LRMDA: variants seen among roughly 807,000 people sequenced by gnomAD.
The protein encoded by LRMDA is leucine rich melanocyte differentiation associated.
A neutral mutation model predicts 29.8 loss-of-function variants in LRMDA; 18 were observed. The ratio of observed to expected loss-of-function variants is 0.60; its 90% CI spans 0.42 to 0.90. The LOEUF is 0.90. LRMDA is among the 40% of genes least tolerant of loss of function. The pLI is 0.00. For synonymous variants in LRMDA, 125 were observed against 109.4 expected, an observed-to-expected ratio of 1.14 and a Z score of -0.89; for missense variants, 273 against 273.9, an observed-to-expected ratio of 1.00 and a Z score of 0.02.
At chr10:76,509,641 C>T (rs1842990040) in intron 6 of LRMDA, among the ~76,000 whole-genome samples, 1 of 152,176 alleles carries the variant, frequency 6.6e-6, no homozygotes, top group South Asian at 2.1e-4. Context: ...CCCCTGCTGG[C>T]ACTGAACAGT....
At chr10:76,185,499 C>G (rs1851131836) in intron 5 of LRMDA, among the ~76,000 whole-genome samples, 1 of 152,180 alleles carries the variant, frequency 6.6e-6, no homozygotes, top group Non-Finnish European at 1.5e-5. Context: ...TACTGCAAAG[C>G]CTTGCACAAA....
chr10:75,900,577 G>A (rs1462685023), intron 2 of LRMDA, among the ~76,000 whole-genome samples: 2 of 152,100 alleles, frequency 1.3e-5, no homozygotes, highest in East Asian at 3.9e-4. Context: ...GATTGATTTG[G>A]GCCACTTTCA....
At chr10:75,723,725 C>T (rs1842597301) in intron 2 of LRMDA, among the ~76,000 whole-genome samples, 1 of 152,190 alleles carries the variant, frequency 6.6e-6, no homozygotes, top group Non-Finnish European at 1.5e-5. Flanking sequence ...GTAATTTATT[C>T]AACGAATTGT....
At chr10:76,018,616 G>A (rs1847918195) in intron 2 of LRMDA, among the ~76,000 whole-genome samples, 1 of 144,818 alleles carries the variant, frequency 6.9e-6, no homozygotes, top group Non-Finnish European at 1.5e-5. Flanking sequence ...TCACCAGGCT[G>A]GAGTGCAGTG....
chr10:76,035,873 A>C, intron 2 of LRMDA, 135 bp from the exon 3 acceptor site: 23 of 850,946 alleles, frequency 2.7e-5, no homozygotes, highest in South Asian at 4.7e-5. Context: ...AATTCTTGTC[A>C]TTCACTTTGC....
intron 2 of LRMDA, among the ~76,000 whole-genome samples, chr10:75,564,196 C>G (rs1224490033): frequency 6.6e-6 from 1 of 152,172 alleles, no homozygotes; most frequent in Non-Finnish European, 1.5e-5. Flanking sequence ...CCAGTTGGAG[C>G]TTCCCGGCTG....
chr10:75,741,922 G>T (rs892874229), intron 2 of LRMDA, among the ~76,000 whole-genome samples: 3 of 152,138 alleles, frequency 2.0e-5, no homozygotes, highest in Admixed American at 2.0e-4. Flanking sequence ...GATGGGATTA[G>T]TACCCTTATA....
At chr10:75,826,860 TATTA>T (rs1405615347) in intron 2 of LRMDA, among the ~76,000 whole-genome samples, 4 of 152,206 alleles carry the variant, frequency 2.6e-5, no homozygotes, top group African/African-American at 9.7e-5. Flanking sequence ...TCTTGGTTTG[TATTA>T]ATTCTGTTTC....
chr10:75,583,850 G>A (rs150786020), intron 2 of LRMDA, among the ~76,000 whole-genome samples: 84 of 152,122 alleles, frequency 5.5e-4, no homozygotes, highest in African/African-American at 1.8e-3. Context: ...ATCCCCACTC[G>A]AGGTGTTCTG....
At chr10:76,127,645 C>A (rs1849908467) in intron 5 of LRMDA, among the ~76,000 whole-genome samples, 1 of 150,180 alleles carries the variant, frequency 6.7e-6, no homozygotes. Context: ...TGAATACACT[C>A]AACCAAGTGT....
intron 6 of LRMDA, among the ~76,000 whole-genome samples, chr10:76,429,338 C>T (rs16933537): frequency 0.032 from 4,812 of 152,192 alleles, 254 homozygotes; most frequent in Admixed American, 0.13. Context: ...AACCCTCATG[C>T]AGATAATATG....
intron 2 of LRMDA, among the ~76,000 whole-genome samples, chr10:76,006,227 A>G (rs1263342777): frequency 6.6e-6 from 1 of 152,104 alleles, no homozygotes; most frequent in Non-Finnish European, 1.5e-5. Context: ...TATGGTGAGG[A>G]CTGTGAAAGA....
At chr10:76,546,309 C>G (rs568124907) in intron 6 of LRMDA, among the ~76,000 whole-genome samples, 66 of 152,302 alleles carry the variant, frequency 4.3e-4, no homozygotes, top group Non-Finnish European at 3.4e-4. Flanking sequence ...AGTCTTCCCA[C>G]CCCAGCTAAT....
At chr10:76,004,726 A>ATTTT (rs926291826) in intron 2 of LRMDA, among the ~76,000 whole-genome samples, 2 of 134,036 alleles carry the variant, frequency 1.5e-5, no homozygotes, top group Non-Finnish European at 1.6e-5. Context: ...TTTTCTTTTA[A>ATTTT]TTTTTTTTTT....
chr10:76,122,383 T>C (rs1460215878), intron 5 of LRMDA, among the ~76,000 whole-genome samples: 2 of 152,028 alleles, frequency 1.3e-5, no homozygotes, highest in Admixed American at 1.3e-4. Flanking sequence ...CCTGCCTGTC[T>C]GTGAGGTCTT....
At chr10:75,839,477 C>T (rs75967061) in intron 2 of LRMDA, among the ~76,000 whole-genome samples, 24,679 of 151,918 alleles carry the variant, frequency 0.16, 2,573 homozygotes, top group South Asian at 0.23. Flanking sequence ...CATCAGTTCC[C>T]TGTGCTCCCA....
intron 2 of LRMDA, among the ~76,000 whole-genome samples, chr10:75,693,069 C>T (rs932791721): frequency 3.6e-4 from 55 of 152,220 alleles, no homozygotes; most frequent in Non-Finnish European, 8.8e-5. Context: ...TAGTCTTTGC[C>T]CATCAGTCCT....
intron 6 of LRMDA, among the ~76,000 whole-genome samples, chr10:76,424,000 C>T (rs1245775618): frequency 6.6e-6 from 1 of 152,150 alleles, no homozygotes; most frequent in Non-Finnish European, 1.5e-5. Flanking sequence ...TTTGTGATCC[C>T]AAGTTCTGGT....
At chr10:76,423,522 A>G (rs1338431021) in intron 6 of LRMDA, among the ~76,000 whole-genome samples, 1 of 152,208 alleles carries the variant, frequency 6.6e-6, no homozygotes, top group Non-Finnish European at 1.5e-5. Flanking sequence ...ATACCCTTTC[A>G]TAAGGTTGTT....
Sources: gnomAD v4.1 joint callset for allele counts (sites outside exome capture counted in the v4.1 genomes callset) on GRCh38, gnomAD v4.1.1 for gene constraint, MANE v1.5 for transcripts, NCBI Gene and HGNC (gene_info 2026-07-23, HGNC 2026-07-21) for gene names.